The following PSME3IP1 variants were observed in gnomAD, a reference collection of about 807,000 sequenced individuals.
The protein encoded by PSME3IP1 is proteasome activator subunit 3 interacting protein 1.
A neutral mutation model predicts 34.1 loss-of-function variants in PSME3IP1; 13 were observed. The ratio of observed to expected loss-of-function variants is 0.38; its 90% CI spans 0.25 to 0.61. PSME3IP1 has a LOEUF of 0.61. PSME3IP1 is among the 20% of genes least tolerant of loss of function. The pLI, the probability that PSME3IP1 is intolerant of heterozygous loss-of-function variation, is 0.60. For missense variants in PSME3IP1, 237 were observed against 301.4 expected (o/e 0.79, Z 1.58); for synonymous variants, 93 against 114.3 (o/e 0.81, Z 1.19).
intron 1 of PSME3IP1, among the ~76,000 whole-genome samples, chr16:57,176,421 CAGG>C (rs2073179838): frequency 6.6e-6 from 1 of 152,124 alleles, no homozygotes; most frequent in African/African-American, 2.4e-5. Context: ...CATACACACC[CAGG>C]AGAAGGTCAT....
Position 57,154,593 on chromosome 16 carries a change from G to A in PSME3IP1, c.548-86C>T. Reference sequence around the variant, plus strand: ...TACCATGTGCCAGGCACTGTACCAAGGGATTTTCCCACAGAGGAGCCTTAG... The same window carrying A: ...TACCATGTGCCAGGCACTGTACCAAAGGATTTTCCCACAGAGGAGCCTTAG... On this transcript the variant is annotated intron_variant, in intron 6 of 6. Transcript: ENST00000309137. This position sits in a 1 kb window ranked among gnomAD's most constrained non-coding sequence, Gnocchi z 4.0. 1.7e-6 allele frequency: 2 copies of A among 1,182,768 alleles called. No individual in the cohort carries two copies. The highest frequency in any genetic ancestry group is 1.6e-5 in the South Asian group (1 of 63,342). 73.3% of individuals were successfully genotyped at this position (1,182,768 alleles called of 1,614,324 possible). A position where few individuals can be genotyped will look rare whatever the true frequency, so the allele number is the denominator to read the frequency against.
Position 57,173,711 on chromosome 16 carries a change from T to C in PSME3IP1, c.127+17A>G. On this transcript the variant is annotated intron_variant, in intron 2 of 6. Transcript: ENST00000309137. ...CTGTGTGGATTAAAGACCATTATAC[T>C]GACTGTCACAGTATACCTTCTGGAT... 3 of 1,613,270 alleles carry C rather than the reference T, an allele frequency of 1.9e-6. No homozygotes were observed. Among genetic ancestry groups the C allele is most frequent in the Non-Finnish European group, 2.5e-6 (3 of 1,179,878 alleles).
chr16:57,180,767 C>A (rs1260427099), intron 1 of PSME3IP1, among the ~76,000 whole-genome samples: 2 of 152,110 alleles, frequency 1.3e-5, no homozygotes, highest in East Asian at 3.9e-4. Flanking sequence ...AACAAACAGA[C>A]AAACAGGCTA....
chr16:57,172,361 T>C lies in PSME3IP1; in HGVS notation c.238A>G (p.Arg80Gly). The change falls in exon 4 of 7, where the codon AGA becomes GGA. Residue 80 changes from arginine (R) to glycine (G), a missense_variant. Coordinates refer to ENST00000309137, the MANE Select transcript of PSME3IP1 (RefSeq NM_024946.4). ...EEQFKFKNMV[R>G]GLDEDETNFL... ...TTGGTCTCATCTTCATCTAAGCCTC[T>C]TACCATGTTTTCTGAGGAAATAATT... is the stretch of plus-strand genomic sequence containing the variant. 1 of 1,613,856 alleles carries C rather than the reference T, an allele frequency of 6.2e-7. No individual in the cohort carries two copies. Among genetic ancestry groups the C allele is most frequent in the Non-Finnish European group, 8.5e-7 (1 of 1,179,944 alleles).
In PSME3IP1 at chr16:57,164,079, C is replaced by T; in HGVS notation, c.483-14G>A. On this transcript the variant is annotated splice_polypyrimidine_tract_variant and intron_variant, in intron 5 of 6. Transcript: ENST00000309137. ...CCACTCTCTGAGCTGTAACAAAACA[C>T]ATGGTGACTTGAGCCATGTCCAATC... is the stretch of plus-strand genomic sequence containing the variant. 2.5e-6 allele frequency: 4 copies of T among 1,613,566 alleles called. No individual in the cohort carries two copies. Among genetic ancestry groups the T allele is most frequent in the Non-Finnish European group, 2.5e-6 (3 of 1,179,708 alleles).
chr16:57,164,229 C>T (rs1378340808), intron 5 of PSME3IP1, among the ~76,000 whole-genome samples, 164 bp from the exon 6 acceptor site: 1 of 152,192 alleles, frequency 6.6e-6, no homozygotes, highest in Non-Finnish European at 1.5e-5. Flanking sequence ...TAATCTCCTT[C>T]CAATTGCATC....
rs2074139438 is a variant in PSME3IP1, at chr16:57,185,904, A to T, written c.-99T>A. On this transcript the variant is annotated 5_prime_UTR_variant, in exon 1 of 7. Transcript: ENST00000309137. ...ACCGCAGAGCCGCTCGCTCTTAAAA[A>T]AGAAAAAAAAATGAAAGGAAGAAAG... 1.0e-6 allele frequency: 1 copy of T among 985,268 alleles called. No individual in the cohort carries two copies. The highest frequency in any genetic ancestry group is 1.2e-6 in the Non-Finnish European group (1 of 829,948). 61.0% of individuals were successfully genotyped at this position (985,268 alleles called of 1,614,324 possible). A position where few individuals can be genotyped will look rare whatever the true frequency, so the allele number is the denominator to read the frequency against.
At chr16:57,176,467 A>G (rs143198769) in intron 1 of PSME3IP1, among the ~76,000 whole-genome samples, 27 of 152,336 alleles carry the variant, frequency 1.8e-4, no homozygotes, top group Admixed American at 3.3e-4. Flanking sequence ...AAGAGGGACC[A>G]CTGCATTCCC....
At chr16:57,164,647 C>A (rs1435649768) in intron 5 of PSME3IP1, among the ~76,000 whole-genome samples, 3 of 152,154 alleles carry the variant, frequency 2.0e-5, no homozygotes, top group Non-Finnish European at 4.4e-5. Flanking sequence ...ACAGACCATA[C>A]TGAAGTCACC....
In PSME3IP1 at chr16:57,152,971, TCA is replaced by T. The variant is rs1222935297; in HGVS notation, c.*1317_*1318del. ...TCAGTAGCTGCTCTGCCTGCCGGCA[TCA>T]CAGTGTCAACACATTTTGTGTGTGT... is the stretch of plus-strand genomic sequence containing the variant. On this transcript the variant is annotated 3_prime_UTR_variant, in exon 7 of 7. Coordinates refer to ENST00000309137, the MANE Select transcript of PSME3IP1 (RefSeq NM_024946.4). The T allele has an allele frequency of 2.0e-5, 3 of 152,694 alleles. No homozygotes were observed. The highest frequency in any genetic ancestry group is 4.8e-5 in the African/African-American group (2 of 41,468). The allele number at this position is 152,694 out of a possible 1,614,324, so 9.5% of individuals were successfully genotyped here. A position where few individuals can be genotyped will look rare whatever the true frequency, so the allele number is the denominator to read the frequency against.
chr16:57,168,169 C>T (rs2072125045), intron 4 of PSME3IP1, among the ~76,000 whole-genome samples: 1 of 152,174 alleles, frequency 6.6e-6, no homozygotes, highest in African/African-American at 2.4e-5. Context: ...TGCACTAGTG[C>T]CTGGAACAAT....
At chr16:57,179,320 T>C (rs2073483655) in intron 1 of PSME3IP1, among the ~76,000 whole-genome samples, 1 of 152,212 alleles carries the variant, frequency 6.6e-6, no homozygotes, top group Non-Finnish European at 1.5e-5. Flanking sequence ...GAGTCCAAAT[T>C]GGCACAAATA....
In PSME3IP1 at chr16:57,167,139, T is replaced by G; in HGVS notation, c.436A>C (p.Lys146Gln). The G allele has an allele frequency of 6.2e-7, 1 of 1,614,188 alleles. No homozygotes were observed. The highest frequency in any genetic ancestry group is 2.2e-5 in the East Asian group (1 of 44,874). ...GCCAACAGCTTCGCCTGGGAGAACT[T>G]GTTCTTGGTTTCTATAGGCTTCACA... ...LTVKPIETKN[K>Q]FSQAKLLAGA... Residue 146 changes from lysine to glutamine, a missense_variant, in exon 5 of 7, where the codon AAG becomes CAG. Coordinates refer to ENST00000309137, the MANE Select transcript of PSME3IP1 (RefSeq NM_024946.4).
chr16:57,168,363 T>G (rs1044662073), intron 4 of PSME3IP1, among the ~76,000 whole-genome samples: 4 of 152,228 alleles, frequency 2.6e-5, no homozygotes, highest in Admixed American at 2.0e-4. Flanking sequence ...ACTAACTCTG[T>G]TCTTATGGGC....
intron 1 of PSME3IP1, among the ~76,000 whole-genome samples, chr16:57,184,916 A>T (rs1363477398): frequency 6.6e-6 from 1 of 152,252 alleles, no homozygotes; most frequent in African/African-American, 2.4e-5. Context: ...TGTCGGCTCA[A>T]TACTTTGTAT....
chr16:57,184,195 C>G (rs1255215813), intron 1 of PSME3IP1, among the ~76,000 whole-genome samples: 1 of 148,968 alleles, frequency 6.7e-6, no homozygotes, highest in Non-Finnish European at 1.5e-5. Flanking sequence ...TACGAAAGAA[C>G]AGAGTAAAAG....
chr16:57,184,479 TAAC>T (rs1365467614), intron 1 of PSME3IP1, among the ~76,000 whole-genome samples: 2 of 152,216 alleles, frequency 1.3e-5, no homozygotes, highest in Non-Finnish European at 2.9e-5. Context: ...AAAACAATCT[TAAC>T]AACATATTCT....
At chr16:57,181,580 T>C (rs111692754) in intron 1 of PSME3IP1, 2,762 of 152,212 alleles carry the variant, frequency 0.018, 95 homozygotes, top group African/African-American at 0.064. Context: ...TCAGATCCCA[T>C]AGGTTGAGGG....
chr16:57,165,604 G>A (rs1597645272), intron 5 of PSME3IP1, among the ~76,000 whole-genome samples: 1 of 152,084 alleles, frequency 6.6e-6, no homozygotes, highest in African/African-American at 2.4e-5. Context: ...TGAAAACTAC[G>A]ACTCCCAGAC....
Sources: allele counts gnomAD v4.1 joint callset (sites outside exome capture counted in the v4.1 genomes callset), GRCh38; gene constraint gnomAD v4.1.1; non-coding constraint Gnocchi (gnomAD v3.1); transcripts MANE v1.5; gene names NCBI Gene and HGNC (gene_info 2026-07-23, HGNC 2026-07-21).